The following FGF12 variants were observed in gnomAD, a reference collection of about 807,000 sequenced individuals.
The protein encoded by FGF12 is fibroblast growth factor 12B.
Under a neutral mutation model 23.6 loss-of-function variants are expected in FGF12, and 14 were observed. The ratio of observed to expected loss-of-function variants is 0.59; its 90% CI spans 0.39 to 0.93. FGF12 has a LOEUF of 0.93. Ranked by LOEUF, FGF12 falls within the 40% of genes least tolerant of loss-of-function variation. The probability of loss-of-function intolerance (pLI) is 0.00; values close to 1 mark genes in which losing one functional copy is unlikely to be tolerated. For synonymous variants in FGF12, 62 were observed against 77.3 expected (o/e 0.80, Z 1.04); for missense variants, 175 against 217.8 (o/e 0.80, Z 1.24).
At chr3:192,335,980 C>CCTG (rs2108700955) in intron 3 of FGF12, among the ~76,000 whole-genome samples, 1 of 152,018 alleles carries the variant, frequency 6.6e-6, no homozygotes, top group African/African-American at 2.4e-5. Flanking sequence ...TTGGTGATAA[C>CCTG]ATTCAGACAA....
intron 2 of FGF12, among the ~76,000 whole-genome samples, chr3:192,418,195 GTC>G (rs777975587): frequency 1.3e-5 from 2 of 152,008 alleles, no homozygotes; most frequent in Non-Finnish European, 2.9e-5. Flanking sequence ...TTCCTATTCA[GTC>G]TCTCTTTTGC....
At chr3:192,162,200 TG>T (rs1318951154) in intron 5 of FGF12, among the ~76,000 whole-genome samples, 1 of 152,134 alleles carries the variant, frequency 6.6e-6, no homozygotes, top group Admixed American at 6.6e-5. Flanking sequence ...TAGAAGGGTG[TG>T]GGAAATTTAC....
At chr3:192,569,530 G>A (rs140870309) in intron 2 of FGF12, among the ~76,000 whole-genome samples, 193 of 152,298 alleles carry the variant, frequency 1.3e-3, no homozygotes, top group African/African-American at 4.5e-3. Flanking sequence ...CTTTTGCCAA[G>A]CAAGTCATTT....
intron 2 of FGF12, among the ~76,000 whole-genome samples, chr3:192,721,203 T>C (rs76964914): frequency 0.058 from 8,822 of 152,224 alleles, 462 homozygotes; most frequent in East Asian, 0.19. Context: ...TCTCACAGTC[T>C]AGTGTAAAGA....
chr3:192,362,162 T>C (rs9864008), intron 2 of FGF12, among the ~76,000 whole-genome samples: 34,400 of 152,066 alleles, frequency 0.23, 5,173 homozygotes, highest in East Asian at 0.53. Flanking sequence ...ATTTCCTCCA[T>C]AGGCTCATCT....
intron 2 of FGF12, among the ~76,000 whole-genome samples, chr3:192,498,263 T>C (rs547298318): frequency 2.0e-5 from 3 of 152,352 alleles, no homozygotes; most frequent in African/African-American, 4.8e-5. Context: ...TATGAACTCC[T>C]TGGGGCAGGC....
chr3:192,682,348 G>A (rs78194017), intron 2 of FGF12, among the ~76,000 whole-genome samples: 4,435 of 152,040 alleles, frequency 0.029, 225 homozygotes, highest in African/African-American at 0.1. Context: ...GAAAATTTCC[G>A]TCCGGGTCCC....
At chr3:192,264,490 A>AT (rs1451386248) in intron 4 of FGF12, among the ~76,000 whole-genome samples, 1 of 152,146 alleles carries the variant, frequency 6.6e-6, no homozygotes, top group African/African-American at 2.4e-5. Flanking sequence ...TCTATTTTTA[A>AT]TTCTGGAGAA....
chr3:192,215,521 G>C (rs1449232230), intron 4 of FGF12, among the ~76,000 whole-genome samples: 2 of 152,110 alleles, frequency 1.3e-5, no homozygotes, highest in African/African-American at 4.8e-5. Context: ...GTAAGTGCTT[G>C]GCTAATGGTT....
chr3:192,190,184 C>G (rs1716702363), intron 4 of FGF12, among the ~76,000 whole-genome samples: 1 of 152,064 alleles, frequency 6.6e-6, no homozygotes. Flanking sequence ...ACACAGTGGT[C>G]AAAGCTTTAT....
Position 192,142,529 on chromosome 3 carries a change from C to G in FGF12, c.*1480G>C, listed in dbSNP as rs1329206291. 1 of 152,232 alleles carries G rather than the reference C, an allele frequency of 6.6e-6. No individual in the cohort carries two copies. Among genetic ancestry groups the G allele is most frequent in the African/African-American group, 2.4e-5 (1 of 41,342 alleles). The allele number at this position is 152,232 out of a possible 1,614,324, so 9.4% of individuals were successfully genotyped here. On this transcript the variant is annotated 3_prime_UTR_variant, in exon 6 of 6. Transcript: ENST00000445105. ...TCTTTAAATTTGGATGTCTCTACAC[C>G]ACTCCTGATTTGTAGGACTAAATAG...
rs1713402221 is a variant in FGF12, at chr3:192,141,769, G to T, written c.*2240C>A. 1 of 147,738 alleles carries T rather than the reference G, an allele frequency of 6.8e-6. No individual in the cohort carries two copies. The highest frequency in any genetic ancestry group is 1.5e-5 in the Non-Finnish European group (1 of 66,420). 9.2% of individuals were successfully genotyped at this position (147,738 alleles called of 1,614,324 possible). On this transcript the variant is annotated 3_prime_UTR_variant, in exon 6 of 6. Coordinates refer to ENST00000445105, the MANE Select transcript of FGF12 (RefSeq NM_004113.6). Reference sequence around the variant, plus strand: ...TTGATTTTTATGATTTGCATCAATTGTGTTATTTATGAAACCATCGTTTTA... The same window carrying T: ...TTGATTTTTATGATTTGCATCAATTTTGTTATTTATGAAACCATCGTTTTA...
intron 2 of FGF12, among the ~76,000 whole-genome samples, chr3:192,416,154 C>G (rs1721345766): frequency 6.6e-6 from 1 of 152,100 alleles, no homozygotes. Flanking sequence ...AATGAGAGAT[C>G]TCACTGATCC....
chr3:192,376,099 T>C (rs892330245), intron 2 of FGF12, among the ~76,000 whole-genome samples: 4 of 152,046 alleles, frequency 2.6e-5, no homozygotes, highest in Admixed American at 6.6e-5. Flanking sequence ...GATCTGACAT[T>C]GTATCTTTTC....
intron 3 of FGF12, among the ~76,000 whole-genome samples, chr3:192,354,630 A>C (rs1718381861): frequency 6.6e-6 from 1 of 152,218 alleles, no homozygotes; most frequent in African/African-American, 2.4e-5. Flanking sequence ...CAAGTGTTCA[A>C]CCTAACTCAT....
intron 2 of FGF12, among the ~76,000 whole-genome samples, chr3:192,695,202 AAC>A (rs1411614746): frequency 6.6e-6 from 1 of 152,178 alleles, no homozygotes; most frequent in East Asian, 1.9e-4. Flanking sequence ...AGTCATATTC[AAC>A]ACATTATTTG....
chr3:192,283,311 CT>C (rs1457634943), intron 4 of FGF12, among the ~76,000 whole-genome samples: 2 of 152,026 alleles, frequency 1.3e-5, no homozygotes, highest in Non-Finnish European at 2.9e-5. Context: ...GTGATTCACT[CT>C]GGGTAGGACA....
intron 4 of FGF12, among the ~76,000 whole-genome samples, chr3:192,330,613 G>T (rs979965744): frequency 6.6e-6 from 1 of 152,064 alleles, no homozygotes; most frequent in African/African-American, 2.4e-5. Flanking sequence ...TGAGGCAGGA[G>T]AATCGCTTGA....
At chr3:192,603,422 A>T (rs1282948783) in intron 2 of FGF12, among the ~76,000 whole-genome samples, 1 of 152,180 alleles carries the variant, frequency 6.6e-6, no homozygotes, top group African/African-American at 2.4e-5. Flanking sequence ...CAAGTACACA[A>T]TTCCATTTAC....
Sources: gnomAD v4.1 joint callset for allele counts (sites outside exome capture counted in the v4.1 genomes callset) on GRCh38, gnomAD v4.1.1 for gene constraint, MANE v1.5 for transcripts, NCBI Gene and HGNC (gene_info 2026-07-23, HGNC 2026-07-21) for gene names.